The following CARNS1 variants were observed in gnomAD, a reference collection of about 807,000 sequenced individuals.
CARNS1 encodes the protein carnosine synthase 1, also known as ATP-grasp domain containing 1.
Under a neutral mutation model 74.0 loss-of-function variants are expected in CARNS1, and 61 were observed. The ratio of observed to expected loss-of-function variants is 0.82; its 90% CI spans 0.67 to 1.02. CARNS1 has a LOEUF of 1.02. Ranked by LOEUF, CARNS1 falls within the 50% of genes least tolerant of loss-of-function variation. CARNS1 has a pLI of 0.00. For missense variants in CARNS1, 1,278 were observed against 1,308.4 expected (o/e 0.98, Z 0.36); for synonymous variants, 568 against 605.5 (o/e 0.94, Z 0.91).
chr11:67,421,934 G>T (rs957813883), intron 9 of CARNS1, among the ~76,000 whole-genome samples: 4 of 151,768 alleles, frequency 2.6e-5, no homozygotes, highest in African/African-American at 9.7e-5. Context: ...TGTCGCCCAG[G>T]CTGGGTGCAG....
chr11:67,416,043 C>G (rs751501171), intron 1 of CARNS1, 133 bp from the exon 2 acceptor site: 2 of 675,642 alleles, frequency 3.0e-6, no homozygotes, highest in African/African-American at 3.5e-5. Context: ...GGGGGTGGGG[C>G]TGCCTTGGCC....
chr11:67,422,552 C>T (rs1303932507), intron 9 of CARNS1, among the ~76,000 whole-genome samples: 6 of 152,118 alleles, frequency 3.9e-5, no homozygotes, highest in African/African-American at 1.4e-4. Context: ...GTCTTGAACT[C>T]CTGAGCTCAA....
intron 7 of CARNS1, among the ~76,000 whole-genome samples, chr11:67,420,378 A>G (rs1863664110): frequency 6.6e-6 from 1 of 152,102 alleles, no homozygotes; most frequent in African/African-American, 2.4e-5. Flanking sequence ...GCCATCCTGG[A>G]GGGGGACCCC....
intron 2 of CARNS1, chr11:67,417,083 C>T: frequency 9.1e-7 from 1 of 1,100,830 alleles, no homozygotes; most frequent in Non-Finnish European, 1.1e-6. Context: ...CCTCCATGAA[C>T]AAAACAAGCA....
Position 67,424,119 on chromosome 11 carries a change from G to A in CARNS1, c.2371G>A (p.Gly791Arg), listed in dbSNP as rs371868488. Residue 791 changes from glycine (G) to arginine (R), a missense_variant, in exon 10 of 10, where the codon GGG becomes AGG. Gly to Arg is a moderately radical substitution (Grantham distance 125). Transcript: ENST00000687366. ...QAAFRCCLGC[G>R]LLDGVFNVEL... Reference sequence around the variant, plus strand: ...AGCCTTCCGCTGTTGCCTGGGCTGCGGGTTGCTCGATGGAGTCTTCAACGT... The same window carrying A: ...AGCCTTCCGCTGTTGCCTGGGCTGCAGGTTGCTCGATGGAGTCTTCAACGT... 1.9e-5 allele frequency: 30 copies of A among 1,613,730 alleles called. No individual in the cohort carries two copies. The highest frequency in any genetic ancestry group is 1.1e-4 in the African/African-American group (8 of 74,932).
Position 67,420,964 on chromosome 11 carries a change from C to G in CARNS1, c.1371C>G (p.Ala457=), listed in dbSNP as rs1863680297. ...FLGVDFALTA[A]GGVLTPVALE... ...GCGTGGATTTCGCGCTGACAGCGGCCGGCGGCGTGCTGACCCCAGTGGCCC... is the reference window on the plus strand; with the variant it reads ...GCGTGGATTTCGCGCTGACAGCGGCGGGCGGCGTGCTGACCCCAGTGGCCC... The change falls in exon 9 of 10, where the codon GCC becomes GCG. Residue 457 remains alanine (A), a synonymous_variant. Coordinates refer to ENST00000687366, the MANE Select transcript of CARNS1 (RefSeq NM_001166222.2). The G allele has an allele frequency of 1.4e-6, 2 of 1,424,158 alleles. No individual in the cohort carries two copies. Among genetic ancestry groups the G allele is most frequent in the South Asian group, 1.4e-5 (1 of 73,076 alleles). The allele number at this position is 1,424,158 out of a possible 1,614,324, so 88.2% of individuals were successfully genotyped here.
Position 67,419,421 on chromosome 11 carries a change from G to A in CARNS1, c.853-66G>A, listed in dbSNP as rs779621631. On this transcript the variant is annotated intron_variant, in intron 5 of 9. Transcript: ENST00000687366. ...CAGTTTACTCACCGGCTCCTGTGGC[G>A]GAAGTGCCCCACCCTGCAGTACCTG... 33 of 1,569,290 alleles carry A rather than the reference G, an allele frequency of 2.1e-5. 1 individual carries two copies. Among genetic ancestry groups the A allele is most frequent in the South Asian group, 4.6e-5 (4 of 86,138 alleles).
chr11:67,416,829 AG>A (rs1364946376), intron 2 of CARNS1: 10 of 986,390 alleles, frequency 1.0e-5, no homozygotes, highest in South Asian at 4.7e-5. Context: ...AAATATCTGC[AG>A]GGGGGATACT....
At chr11:67,422,118 C>T (rs1448610672) in intron 9 of CARNS1, among the ~76,000 whole-genome samples, 2 of 151,190 alleles carry the variant, frequency 1.3e-5, no homozygotes, top group African/African-American at 2.4e-5. Context: ...GTGATCCACC[C>T]GCCTCAGCCT....
Position 67,424,769 on chromosome 11 carries a change from G to A in CARNS1, c.*168G>A. ...GCAGCAGGGCAATTTAGACACCAAG[G>A]CATCCTGGACTCAAGGGCCTCTTGC... On this transcript the variant is annotated 3_prime_UTR_variant, in exon 10 of 10. Transcript: ENST00000687366. 1 of 777,606 alleles carries A rather than the reference G, an allele frequency of 1.3e-6. No homozygotes were observed. The highest frequency in any genetic ancestry group is 1.8e-5 in the South Asian group (1 of 55,148). 48.2% of individuals were successfully genotyped at this position (777,606 alleles called of 1,614,324 possible).
rs1460014089 is a variant in CARNS1, at chr11:67,421,009, G to C, written c.1416G>C (p.Leu472=). Residue 472 remains leucine (L), a synonymous_variant, in exon 9 of 10, where the codon CTG becomes CTC. Coordinates refer to ENST00000687366, the MANE Select transcript of CARNS1 (RefSeq NM_001166222.2). ...TPVALELNGG[L]CLEACGALEG... ...TGGCCCTGGAGCTGAACGGCGGCCTGTGTCTGGAGGCGTGCGGCGCGCTGG... is the reference window on the plus strand; with the variant it reads ...TGGCCCTGGAGCTGAACGGCGGCCTCTGTCTGGAGGCGTGCGGCGCGCTGG... The C allele has an allele frequency of 7.2e-7, 1 of 1,390,402 alleles. No homozygotes were observed. Among genetic ancestry groups the C allele is most frequent in the Non-Finnish European group, 9.3e-7 (1 of 1,077,514 alleles). 86.1% of individuals were successfully genotyped at this position (1,390,402 alleles called of 1,614,324 possible).
chr11:67,419,846 T>C lies in CARNS1; in HGVS notation c.1113+8T>C. 1 of 1,569,986 alleles carries C rather than the reference T, an allele frequency of 6.4e-7. No individual in the cohort carries two copies. Among genetic ancestry groups the C allele is most frequent in the Non-Finnish European group, 8.6e-7 (1 of 1,158,316 alleles). On this transcript the variant is annotated splice_region_variant and intron_variant, in intron 7 of 9. Coordinates refer to ENST00000687366, the MANE Select transcript of CARNS1 (RefSeq NM_001166222.2). ...AGGCCACTGCTGAGCAAGGTGAGCG[T>C]GGCCCAGGCCCAGGCTGTGACCCTG... is the stretch of plus-strand genomic sequence containing the variant.
chr11:67,419,503 G>A lies in CARNS1; in HGVS notation c.869G>A (p.Ser290Asn), dbSNP rs768973886. 1 of 1,612,008 alleles carries A rather than the reference G, an allele frequency of 6.2e-7. No individual in the cohort carries two copies. The highest frequency in any genetic ancestry group is 1.3e-5 in the African/African-American group (1 of 75,052). The change falls in exon 6 of 10, where the codon AGT (serine) becomes AAT (asparagine). Residue 290 changes from serine (S) to asparagine (N), a missense_variant. Around this residue, in one of 3 missense-constraint regions of CARNS1, gnomAD observed 1,164 missense variants for 1,156.5 expected, o/e 1.01. Coordinates refer to ENST00000687366, the MANE Select transcript of CARNS1 (RefSeq NM_001166222.2). ...GDILQVAVKL[S>N]GWRWRGRQAW... is the part of the protein sequence containing the mutation. ...TTGCTGCAGGTAGCTGTGAAGCTCAGTGGCTGGCGCTGGCGGGGGCGGCAG... is the reference window on the plus strand; with the variant it reads ...TTGCTGCAGGTAGCTGTGAAGCTCAATGGCTGGCGCTGGCGGGGGCGGCAG...
At chr11:67,416,556 C>T (rs1863548179) in intron 2 of CARNS1, 1 of 1,115,698 alleles carries the variant, frequency 9.0e-7, no homozygotes, top group South Asian at 2.4e-5. Flanking sequence ...TTCTCTTCGT[C>T]CCAGCCTCAT....
rs891022710 is a variant in CARNS1 at position 67,420,637 on chromosome 11, G to T, written c.1142G>T (p.Arg381Leu). The change falls in exon 8 of 10, where the codon CGC becomes CTC. Residue 381 changes from arginine to leucine, a missense_variant. Arg to Leu is a moderately radical substitution (Grantham distance 102, BLOSUM62 -2). Coordinates refer to ENST00000687366, the MANE Select transcript of CARNS1 (RefSeq NM_001166222.2). ...GTGTGCGGCGTGGGCCGCGGGGACC[G>T]CCCTCTACGGCACCACAACTCCCTG... ...KVVCGVGRGDRPLRHHNSLPR... is the reference protein window; with the variant it reads ...KVVCGVGRGDLPLRHHNSLPR... 1.4e-5 allele frequency: 18 copies of T among 1,243,180 alleles called. No homozygotes were observed. The African/African-American group carries it at 2.6e-4, about 18-fold the overall frequency. The allele number at this position is 1,243,180 out of a possible 1,614,324, so 77.0% of individuals were successfully genotyped here.
In CARNS1 at chr11:67,420,969, G is replaced by A; in HGVS notation, c.1376G>A (p.Gly459Asp). 5 of 1,426,572 alleles carry A rather than the reference G, an allele frequency of 3.5e-6. No individual in the cohort carries two copies. The highest frequency in any genetic ancestry group is 3.2e-5 in the East Asian group (1 of 31,604). 88.4% of individuals were successfully genotyped at this position (1,426,572 alleles called of 1,614,324 possible). Reference sequence around the variant, plus strand: ...GATTTCGCGCTGACAGCGGCCGGCGGCGTGCTGACCCCAGTGGCCCTGGAG... The same window carrying A: ...GATTTCGCGCTGACAGCGGCCGGCGACGTGCTGACCCCAGTGGCCCTGGAG... ...GVDFALTAAG[G>D]VLTPVALELN... is the part of the protein sequence containing the mutation. Residue 459 changes from glycine to aspartate, a missense_variant, in exon 9 of 10, where the codon GGC (glycine) becomes GAC (aspartate). This residue lies in a region of CARNS1 where 1,164 missense variants were observed against 1,156.5 expected (regional missense o/e 1.01). Coordinates refer to ENST00000687366, the MANE Select transcript of CARNS1 (RefSeq NM_001166222.2).
At position 67,417,678 on chromosome 11, in the gene CARNS1, G is replaced by A. The variant is rs1215744383; in HGVS notation, c.274+1G>A. The A allele has an allele frequency of 8.0e-7, 1 of 1,253,684 alleles. No individual in the cohort carries two copies. The highest frequency in any genetic ancestry group is 1.0e-6 in the Non-Finnish European group (1 of 997,808). 77.7% of individuals were successfully genotyped at this position (1,253,684 alleles called of 1,614,324 possible). On this transcript the variant is annotated splice_donor_variant, in intron 3 of 9. Coordinates refer to ENST00000687366, the MANE Select transcript of CARNS1 (RefSeq NM_001166222.2). LOFTEE classifies it high-confidence loss of function. The stretch of plus-strand genomic sequence containing the variant: ...GACCGCGGCCAGGTGCCCCGCACAG[G>A]TGCCCAAGGGCTCCCTGGAGGGAGG...
In CARNS1 at chr11:67,424,261, C is replaced by T. The variant is rs1863778509; in HGVS notation, c.2513C>T (p.Ala838Val). The T allele has an allele frequency of 2.5e-6, 4 of 1,613,368 alleles. No homozygotes were observed. The South Asian group carries it at 4.4e-5, about 18-fold the overall frequency. ...TATGGTGTTGACCTGCTGCTGGCTG[C>T]TGTTATGGTGGCCTGTGGCTTGCGT... ...ELYGVDLLLA[A>V]VMVACGLRPA... The change falls in exon 10 of 10, where the codon GCT (alanine) becomes GTT (valine). Residue 838 changes from alanine to valine, a missense_variant. By Grantham distance (64) the Ala-to-Val change is moderately conservative (BLOSUM62 0). Around this residue, in one of 3 missense-constraint regions of CARNS1, gnomAD observed 1,164 missense variants for 1,156.5 expected, o/e 1.01. Coordinates refer to ENST00000687366, the MANE Select transcript of CARNS1 (RefSeq NM_001166222.2).
Position 67,418,842 on chromosome 11 carries a change from A to C in CARNS1, c.451A>C (p.Lys151Gln), listed in dbSNP as rs1215284463. ...QPGEAALLVS[K>Q]AVSFHPGGLT... ...GGGTGAGGCAGCCCTGCTAGTCTCC[A>C]AGGCTGTGAGCTTCCACCCTGGGGG... The change falls in exon 5 of 10, where the codon AAG becomes CAG. Residue 151 changes from lysine to glutamine, a missense_variant. Around this residue, in one of 3 missense-constraint regions of CARNS1, gnomAD observed 1,164 missense variants for 1,156.5 expected, o/e 1.01. Coordinates refer to ENST00000687366, the MANE Select transcript of CARNS1 (RefSeq NM_001166222.2). The C allele has an allele frequency of 6.2e-7, 1 of 1,601,076 alleles. No individual in the cohort carries two copies. The highest frequency in any genetic ancestry group is 8.5e-7 in the Non-Finnish European group (1 of 1,174,264).
Sources: gnomAD v4.1 joint callset for allele counts (sites outside exome capture counted in the v4.1 genomes callset) on GRCh38, gnomAD v4.1.1 for gene constraint, gnomAD v4.1.1 regional missense constraint, MANE v1.5 for transcripts, NCBI Gene and HGNC (gene_info 2026-07-23, HGNC 2026-07-21) for gene names.